PRDM11: variants seen among roughly 807,000 people sequenced by gnomAD.
PRDM11 encodes the protein PR domain-containing protein 11.
A neutral mutation model predicts 97.8 loss-of-function variants in PRDM11; 20 were observed. That is an observed-to-expected ratio of 0.20 (90% CI 0.14 to 0.30). The LOEUF is 0.30. Among genes scored for constraint, PRDM11 ranks in the 10% least tolerant of loss-of-function variants. The pLI, the probability that PRDM11 is intolerant of heterozygous loss-of-function variation, is 1.00. For synonymous variants in PRDM11, 599 were observed against 637.7 expected, an observed-to-expected ratio of 0.94 and a Z score of 0.91; for missense variants, 1,139 against 1,555.2, an observed-to-expected ratio of 0.73 and a Z score of 4.50.
chr11:45,109,167 G>A (rs568321126), intron 1 of PRDM11, among the ~76,000 whole-genome samples: 124 of 152,274 alleles, frequency 8.1e-4, no homozygotes, highest in African/African-American at 2.9e-3. Flanking sequence ...CACCCTCTTT[G>A]GGTCACCTCC....
chr11:45,097,579 C>T (rs907762460), intron 1 of PRDM11, among the ~76,000 whole-genome samples: 6 of 152,210 alleles, frequency 3.9e-5, no homozygotes, highest in African/African-American at 1.2e-4. Context: ...CGCTCAGATG[C>T]TCAGACCATT....
At chr11:45,135,769 C>T (rs1323098471) in intron 1 of PRDM11, among the ~76,000 whole-genome samples, 1 of 152,138 alleles carries the variant, frequency 6.6e-6, no homozygotes, top group Non-Finnish European at 1.5e-5. Context: ...TAATGGCATT[C>T]CCATCAAAAT....
At chr11:45,117,163 A>G (rs1365380114) in intron 1 of PRDM11, among the ~76,000 whole-genome samples, 1 of 150,070 alleles carries the variant, frequency 6.7e-6, no homozygotes. Context: ...GGCAGGTTGC[A>G]ATGAGCCGAG....
rs1590494808 is a variant in PRDM11, at chr11:45,234,219, C to T, written c.*6060C>T. On this transcript the variant is annotated 3_prime_UTR_variant, in exon 8 of 8. Transcript: ENST00000683152. The stretch of plus-strand genomic sequence containing the variant: ...CGCAGTTTCCTCTCTCTGTTTTTTT[C>T]CTCCTGGAGGTAGGAGAGAGGGCCT... 1.3e-5 allele frequency: 2 copies of T among 152,212 alleles called. No homozygotes were observed. Among genetic ancestry groups the T allele is most frequent in the African/African-American group, 4.8e-5 (2 of 41,434 alleles). The allele number at this position is 152,212 out of a possible 1,614,324, so 9.4% of individuals were successfully genotyped here.
intron 5 of PRDM11, among the ~76,000 whole-genome samples, chr11:45,211,360 C>T (rs535075735): frequency 1.3e-5 from 2 of 152,258 alleles, no homozygotes; most frequent in African/African-American, 2.4e-5. Flanking sequence ...GAGTTGAGTC[C>T]GCAGATCCAG....
At chr11:45,095,464 C>T (rs545399807), upstream of PRDM11, among the ~76,000 whole-genome samples, 8 of 152,272 alleles carry the variant, frequency 5.3e-5, no homozygotes, top group South Asian at 2.1e-4. Flanking sequence ...GGAGTCAGGA[C>T]GTGGGGTTTC....
intron 1 of PRDM11, among the ~76,000 whole-genome samples, chr11:45,097,723 G>A (rs936522959): frequency 6.6e-6 from 1 of 152,232 alleles, no homozygotes; most frequent in Middle Eastern, 3.2e-3. Context: ...CTGTAGGTGA[G>A]ACAAGCAGGC....
chr11:45,154,450 C>T (rs892238857), intron 1 of PRDM11, among the ~76,000 whole-genome samples: 9 of 152,150 alleles, frequency 5.9e-5, no homozygotes, highest in African/African-American at 1.2e-4. Context: ...TCAGAAGTTG[C>T]GGACACATTC....
At chr11:45,221,619 C>A (rs568513119) in intron 6 of PRDM11, among the ~76,000 whole-genome samples, 1 of 152,174 alleles carries the variant, frequency 6.6e-6, no homozygotes, top group South Asian at 2.1e-4. Flanking sequence ...GGGGATTGCT[C>A]AGAGAAGGGT....
At chr11:45,158,989 C>T (rs531423975) in intron 1 of PRDM11, among the ~76,000 whole-genome samples, 17 of 152,240 alleles carry the variant, frequency 1.1e-4, no homozygotes, top group South Asian at 8.3e-4. Flanking sequence ...CTCCTTGAGC[C>T]CCCCCTTCCT....
At chr11:45,169,142 C>G (rs1852140511) in intron 1 of PRDM11, among the ~76,000 whole-genome samples, 2 of 152,108 alleles carry the variant, frequency 1.3e-5, no homozygotes, top group African/African-American at 2.4e-5. Flanking sequence ...TCTAGTAATA[C>G]TGATAAGTAT....
chr11:45,124,121 T>C (rs1385970022), intron 1 of PRDM11, among the ~76,000 whole-genome samples: 4 of 148,796 alleles, frequency 2.7e-5, no homozygotes, highest in Non-Finnish European at 1.5e-5. Context: ...TGAATGGGAG[T>C]TCACTCATGA....
At chr11:45,116,293 A>G (rs951420353) in intron 1 of PRDM11, among the ~76,000 whole-genome samples, 1 of 152,236 alleles carries the variant, frequency 6.6e-6, no homozygotes, top group Non-Finnish European at 1.5e-5. Context: ...AAGTGCTTTG[A>G]TTTAACACCA....
intron 5 of PRDM11, among the ~76,000 whole-genome samples, chr11:45,217,335 A>T (rs1853985170): frequency 6.6e-6 from 1 of 152,180 alleles, no homozygotes; most frequent in Admixed American, 6.5e-5. Context: ...TGTTAATAAC[A>T]TCCTGGCTGG....
intron 1 of PRDM11, among the ~76,000 whole-genome samples, chr11:45,180,847 C>G (rs2135733304): frequency 6.6e-6 from 1 of 151,828 alleles, no homozygotes; most frequent in Non-Finnish European, 1.5e-5. Context: ...GGCAGCCCTC[C>G]CCTTCCCCAC....
intron 1 of PRDM11, among the ~76,000 whole-genome samples, chr11:45,140,416 C>G (rs140500903): frequency 6.6e-6 from 1 of 152,212 alleles, no homozygotes; most frequent in Non-Finnish European, 1.5e-5. Flanking sequence ...TATTCTTTCA[C>G]GACAGTGCTC....
intron 1 of PRDM11, among the ~76,000 whole-genome samples, chr11:45,158,975 C>T (rs1325386074): frequency 6.6e-6 from 1 of 152,128 alleles, no homozygotes; most frequent in East Asian, 1.9e-4. Context: ...GCTCCGCCCT[C>T]CCTCTCCTTG....
At chr11:45,127,140 G>T (rs553008720) in intron 1 of PRDM11, among the ~76,000 whole-genome samples, 3 of 152,130 alleles carry the variant, frequency 2.0e-5, no homozygotes, top group Admixed American at 2.0e-4. Flanking sequence ...AGCTCCTGAG[G>T]CTTCTGCATT....
intron 1 of PRDM11, among the ~76,000 whole-genome samples, chr11:45,166,775 C>G (rs1410512049): frequency 6.6e-6 from 1 of 152,258 alleles, no homozygotes; most frequent in Non-Finnish European, 1.5e-5. Context: ...TCCTGGAGGA[C>G]TTCCGCCTTC....
Sources: gnomAD v4.1 joint callset for allele counts (sites outside exome capture counted in the v4.1 genomes callset) on GRCh38, gnomAD v4.1.1 for gene constraint, MANE v1.5 for transcripts, NCBI Gene and HGNC (gene_info 2026-07-23, HGNC 2026-07-21) for gene names.